Variants in AGPAT3 observed in about 807,000 individuals in gnomAD.
AGPAT3 encodes 1-acylglycerol-3-phosphate O-acyltransferase 3, also known as 1-acyl-sn-glycerol-3-phosphate acyltransferase gamma.
In AGPAT3, 5 loss-of-function variants were observed where a neutral mutation model predicts 47.3. That is an observed-to-expected ratio of 0.11 (90% CI 0.06 to 0.22). AGPAT3 has a LOEUF of 0.22. Among genes scored for constraint, AGPAT3 ranks in the 10% least tolerant of loss-of-function variants. The probability of loss-of-function intolerance (pLI) is 1.00; values close to 1 mark genes in which losing one functional copy is unlikely to be tolerated. For synonymous variants in AGPAT3, 212 were observed against 208.3 expected, an observed-to-expected ratio of 1.02 and a Z score of -0.15; for missense variants, 315 against 493.0, an observed-to-expected ratio of 0.64 and a Z score of 3.42.
rs556936414 is a variant in AGPAT3, at chr21:43,933,333, G to A, written c.-48-26301G>A. On this transcript the variant is annotated intron_variant, in intron 2 of 9. Coordinates refer to ENST00000291572, the MANE Select transcript of AGPAT3 (RefSeq NM_020132.5). This position sits in a 1 kb window ranked among gnomAD's most constrained non-coding sequence, Gnocchi z 6.0. ...GTCTGCAGGGTTTTCTCTCCCTTGC[G>A]GGTCGTCTCTTTACCCTGTCGTTCC... 1.8e-4 allele frequency among the ~76,000 whole-genome samples: 28 copies of A among 152,250 alleles called. 1 individual carries two copies. The East Asian group carries it at 1.9e-3, about 10-fold the overall frequency.
intron 2 of AGPAT3, among the ~76,000 whole-genome samples, chr21:43,918,217 C>T (rs1168122188): frequency 2.8e-5 from 4 of 141,516 alleles, no homozygotes; most frequent in African/African-American, 5.3e-5. Context: ...GTGGGTGTTG[C>T]GGCGGTTGTG....
At chr21:43,950,438 A>C (rs1354103207) in intron 2 of AGPAT3, among the ~76,000 whole-genome samples, 8 of 152,310 alleles carry the variant, frequency 5.3e-5, no homozygotes, top group Non-Finnish European at 1.0e-4. Flanking sequence ...TTACCCAAGA[A>C]CTGAAATTTG....
At chr21:43,978,187 G>A (rs1214904387) in intron 8 of AGPAT3, 66 bp downstream of exon 8, 5 of 1,441,862 alleles carry the variant, frequency 3.5e-6, no homozygotes, top group East Asian at 2.3e-5. Flanking sequence ...GGGTGCTGGC[G>A]AGCAGGCAGG....
chr21:43,929,941 C>A (rs1213854174), intron 2 of AGPAT3, among the ~76,000 whole-genome samples: 1 of 152,218 alleles, frequency 6.6e-6, no homozygotes, highest in Non-Finnish European at 1.5e-5. Context: ...ATAAATGCAG[C>A]GGACACTGGG....
At chr21:43,977,831 G>A (rs541264420) in intron 7 of AGPAT3, among the ~76,000 whole-genome samples, 10 of 151,650 alleles carry the variant, frequency 6.6e-5, no homozygotes, top group African/African-American at 2.2e-4. Flanking sequence ...AGGTTGCAGT[G>A]AGCAGAGATC....
At chr21:43,936,023 C>T (rs2087434060) in intron 2 of AGPAT3, among the ~76,000 whole-genome samples, 1 of 152,244 alleles carries the variant, frequency 6.6e-6, no homozygotes, top group African/African-American at 2.4e-5. Flanking sequence ...CTAGGCCCCA[C>T]TGCAGGGTCA....
At chr21:43,866,382 C>T (rs981981695) in intron 1 of AGPAT3, among the ~76,000 whole-genome samples, 5 of 148,956 alleles carry the variant, frequency 3.4e-5, no homozygotes. Flanking sequence ...CTGCTGGGGG[C>T]TGGGAGGTGG....
intron 2 of AGPAT3, among the ~76,000 whole-genome samples, chr21:43,948,910 A>G (rs2088042601): frequency 6.6e-6 from 1 of 152,174 alleles, no homozygotes; most frequent in Non-Finnish European, 1.5e-5. Context: ...CCAGGTGCTG[A>G]GGTGCCCCAG....
intron 1 of AGPAT3, among the ~76,000 whole-genome samples, chr21:43,891,279 A>C (rs907450787): frequency 3.3e-5 from 5 of 152,214 alleles, no homozygotes; most frequent in African/African-American, 9.7e-5. Context: ...CACAATGTTC[A>C]CAGCATCTTC....
chr21:43,943,778 A>T (rs2146397376), intron 2 of AGPAT3, among the ~76,000 whole-genome samples: 1 of 152,292 alleles, frequency 6.6e-6, no homozygotes, highest in South Asian at 2.1e-4. Flanking sequence ...AGGGTGGGCG[A>T]TGGCAGTAGT....
intron 1 of AGPAT3, 112 bp downstream of exon 1, chr21:43,865,457 C>G (rs898161825): frequency 6.8e-6 from 1 of 146,744 alleles, no homozygotes; most frequent in Non-Finnish European, 1.5e-5. Flanking sequence ...CCCAGCCGTC[C>G]GACCTCGGGC....
chr21:43,889,240 A>C (rs2086049273), intron 1 of AGPAT3, among the ~76,000 whole-genome samples: 1 of 150,844 alleles, frequency 6.6e-6, no homozygotes, highest in South Asian at 2.1e-4. Flanking sequence ...TCCTCACCAA[A>C]GGGAAACCTT....
In AGPAT3 at chr21:43,922,325, TG is replaced by T. The variant is rs1281585279; in HGVS notation, c.-49+18312del. Among the ~76,000 whole-genome samples the T allele has an allele frequency of 1.3e-5, 2 of 151,974 alleles. No homozygotes were observed. The highest frequency in any genetic ancestry group is 1.3e-4 in the Admixed American group (2 of 15,266). On this transcript the variant is annotated intron_variant, in intron 2 of 9. Transcript: ENST00000291572. The surrounding 1 kb of genome is among the most constrained non-coding windows in gnomAD (Gnocchi z 4.9). The stretch of plus-strand genomic sequence containing the variant: ...TGAACACATCAGCAAACAGGAAGCG[TG>T]GGGGGAAGCGTGCGTGCGAAGGAGT...
intron 1 of AGPAT3, among the ~76,000 whole-genome samples, chr21:43,871,465 T>G (rs897525570): frequency 7.9e-5 from 12 of 152,264 alleles, no homozygotes; most frequent in Non-Finnish European, 1.5e-4. Flanking sequence ...AATGCATCCA[T>G]ACATTTACCA....
chr21:43,900,189 A>T (rs577528800), intron 1 of AGPAT3, among the ~76,000 whole-genome samples: 4 of 152,312 alleles, frequency 2.6e-5, no homozygotes, highest in African/African-American at 9.6e-5. Context: ...CTTTAGACAT[A>T]GGTCAGTGTG....
chr21:43,941,006 G>T (rs1050439909), intron 2 of AGPAT3, among the ~76,000 whole-genome samples: 1 of 152,232 alleles, frequency 6.6e-6, no homozygotes, highest in Admixed American at 6.5e-5. Flanking sequence ...CACTGATGCC[G>T]CCTGCTGTTT....
chr21:43,969,741 A>C (rs1038233950), intron 5 of AGPAT3, among the ~76,000 whole-genome samples: 9 of 152,082 alleles, frequency 5.9e-5, no homozygotes, highest in Admixed American at 5.2e-4. Flanking sequence ...TCTGTCGCCC[A>C]GGCTGGAGTG....
intron 7 of AGPAT3, among the ~76,000 whole-genome samples, chr21:43,974,469 ATG>A: frequency 6.6e-6 from 1 of 150,376 alleles, no homozygotes; most frequent in East Asian, 2.0e-4. Context: ...ATAAATGTGC[ATG>A]TGTGTGCAAA....
chr21:43,902,773 C>T lies in AGPAT3; in HGVS notation c.-111-1184C>T, dbSNP rs918961378. On this transcript the variant is annotated intron_variant, in intron 1 of 9. Coordinates refer to ENST00000291572, the MANE Select transcript of AGPAT3 (RefSeq NM_020132.5). ...CAGCACTTTGGGAGGGCGAGGCAGG[C>T]GGATCACTTGAGCTCAGGAGTTCAA... 5.3e-5 allele frequency among the ~76,000 whole-genome samples: 8 copies of T among 152,142 alleles called. 1 individual carries two copies. The South Asian group carries it at 6.2e-4, about 12-fold the overall frequency.
Sources: allele counts gnomAD v4.1 joint callset (sites outside exome capture counted in the v4.1 genomes callset), GRCh38; gene constraint gnomAD v4.1.1; non-coding constraint Gnocchi (gnomAD v3.1); transcripts MANE v1.5; gene names NCBI Gene and HGNC (gene_info 2026-07-23, HGNC 2026-07-21).